Variants in ZNF385D observed in about 807,000 individuals in gnomAD.
ZNF385D encodes zinc finger protein 385D, also known as zinc finger protein 659.
ZNF385D carries 15 observed loss-of-function variants against 35.8 expected under a neutral mutation model. The ratio of observed to expected loss-of-function variants is 0.42; its 90% CI spans 0.28 to 0.64. ZNF385D has a LOEUF of 0.64. Among genes scored for constraint, ZNF385D ranks in the 30% least tolerant of loss-of-function variants. The pLI, the probability that ZNF385D is intolerant of heterozygous loss-of-function variation, is 0.23. For synonymous variants in ZNF385D, 212 were observed against 186.8 expected (o/e 1.13, Z -1.10); for missense variants, 474 against 494.6 (o/e 0.96, Z 0.39).
At chr3:22,339,721 C>G (rs912161388) in intron 2 of ZNF385D, among the ~76,000 whole-genome samples, 1 of 152,186 alleles carries the variant, frequency 6.6e-6, no homozygotes, top group Non-Finnish European at 1.5e-5. Flanking sequence ...GTGCTCACTC[C>G]TTAGAAATCA....
chr3:22,038,262 G>C (rs1199233143), intron 3 of ZNF385D, among the ~76,000 whole-genome samples: 1 of 152,178 alleles, frequency 6.6e-6, no homozygotes, highest in Non-Finnish European at 1.5e-5. Context: ...AAATGTGGTA[G>C]AGATGGGCTC....
At chr3:21,914,853 A>G (rs563922927) in intron 3 of ZNF385D, among the ~76,000 whole-genome samples, 1 of 152,052 alleles carries the variant, frequency 6.6e-6, no homozygotes, top group African/African-American at 2.4e-5. Flanking sequence ...AAATCCAACA[A>G]TGTTGTGGTA....
intron 3 of ZNF385D, among the ~76,000 whole-genome samples, chr3:21,525,074 T>A (rs1708145088): frequency 6.6e-6 from 1 of 152,212 alleles, no homozygotes; most frequent in Non-Finnish European, 1.5e-5. Flanking sequence ...GTCCATTCAG[T>A]AAATCATGTA....
At chr3:21,481,499 C>T (rs1156277682) in intron 4 of ZNF385D, among the ~76,000 whole-genome samples, 1 of 152,144 alleles carries the variant, frequency 6.6e-6, no homozygotes, top group Admixed American at 6.6e-5. Context: ...AATTCATCGC[C>T]TCATGAGATA....
chr3:21,725,744 C>T (rs1399018226), intron 1 of ZNF385D, among the ~76,000 whole-genome samples: 1 of 152,136 alleles, frequency 6.6e-6, no homozygotes, highest in African/African-American at 2.4e-5. Flanking sequence ...CTGAATTCTA[C>T]CAGAGGTACA....
intron 2 of ZNF385D, among the ~76,000 whole-genome samples, chr3:22,249,231 G>A (rs1396330581): frequency 6.6e-6 from 1 of 152,100 alleles, no homozygotes; most frequent in Non-Finnish European, 1.5e-5. Flanking sequence ...ATACCACTAA[G>A]TTTTGGGAAG....
chr3:21,982,860 T>G (rs1054565194), intron 3 of ZNF385D, among the ~76,000 whole-genome samples: 1 of 152,100 alleles, frequency 6.6e-6, no homozygotes, highest in Non-Finnish European at 1.5e-5. Flanking sequence ...GGGTTTTTTT[T>G]GTCTTTAGTT....
chr3:21,879,183 T>G (rs746296782), intron 3 of ZNF385D, among the ~76,000 whole-genome samples: 2 of 152,014 alleles, frequency 1.3e-5, no homozygotes, highest in Non-Finnish European at 2.9e-5. Flanking sequence ...TTAAAAATCA[T>G]GAATGGAAAA....
chr3:22,354,602 A>C (rs1458385288), intron 2 of ZNF385D, among the ~76,000 whole-genome samples: 1 of 152,070 alleles, frequency 6.6e-6, no homozygotes, highest in Non-Finnish European at 1.5e-5. Flanking sequence ...ACCTTAAGGA[A>C]TTATTTAGTT....
intron 3 of ZNF385D, among the ~76,000 whole-genome samples, chr3:22,116,153 T>C (rs1444450990): frequency 6.6e-6 from 1 of 152,076 alleles, no homozygotes; most frequent in Admixed American, 6.6e-5. Flanking sequence ...TGAATTTTTA[T>C]AATAATATGT....
intron 3 of ZNF385D, among the ~76,000 whole-genome samples, chr3:22,018,560 C>T (rs1324519007): frequency 2.0e-5 from 3 of 151,922 alleles, no homozygotes; most frequent in Non-Finnish European, 4.4e-5. Flanking sequence ...TTCATTACAT[C>T]TTCCATTATA....
intron 3 of ZNF385D, among the ~76,000 whole-genome samples, chr3:21,812,302 T>C (rs557839812): frequency 1.3e-5 from 2 of 152,304 alleles, no homozygotes; most frequent in Non-Finnish European, 2.9e-5. Context: ...AGATGGGTGA[T>C]TTCTGAATTT....
chr3:21,499,068 G>A (rs1196312809), intron 4 of ZNF385D, among the ~76,000 whole-genome samples: 1 of 151,900 alleles, frequency 6.6e-6, no homozygotes, highest in Non-Finnish European at 1.5e-5. Flanking sequence ...AAAGCAGTCT[G>A]GTGATTCCTT....
At chr3:22,139,797 A>T (rs371013931) in intron 3 of ZNF385D, among the ~76,000 whole-genome samples, 96 of 152,302 alleles carry the variant, frequency 6.3e-4, no homozygotes, top group African/African-American at 2.2e-3. Context: ...CATTAAGTAG[A>T]GATATAAGTT....
chr3:21,835,169 G>A (rs1695250407), intron 3 of ZNF385D, among the ~76,000 whole-genome samples: 1 of 151,872 alleles, frequency 6.6e-6, no homozygotes, highest in South Asian at 2.1e-4. Context: ...ACTATCATAT[G>A]TGAGAATCAA....
intron 3 of ZNF385D, among the ~76,000 whole-genome samples, chr3:22,164,215 A>ATTTTTTTTTTTTTTT (rs1706157207): frequency 3.3e-5 from 3 of 91,022 alleles, no homozygotes; most frequent in Admixed American, 1.2e-4. Context: ...CAAAAGGAGC[A>ATTTTTTTTTTTTTTT]CTTTTTTTTT....
chr3:21,617,535 G>A (rs7652440), intron 2 of ZNF385D, among the ~76,000 whole-genome samples: 1,763 of 152,174 alleles, frequency 0.012, 41 homozygotes, highest in African/African-American at 0.04. Context: ...CTTCATCCTC[G>A]GAACAACCCC....
At chr3:21,932,098 C>T (rs1457384700) in intron 3 of ZNF385D, among the ~76,000 whole-genome samples, 2 of 131,798 alleles carry the variant, frequency 1.5e-5, no homozygotes, top group Admixed American at 9.2e-5. Flanking sequence ...ATCCTGGAGG[C>T]GGAGCTTGCA....
At chr3:22,335,036 G>A (rs1695102051) in intron 2 of ZNF385D, among the ~76,000 whole-genome samples, 1 of 152,094 alleles carries the variant, frequency 6.6e-6, no homozygotes, top group Non-Finnish European at 1.5e-5. Flanking sequence ...TATAGTGCCA[G>A]GCACTGGAAA....
Sources: gnomAD v4.1 joint callset for allele counts (sites outside exome capture counted in the v4.1 genomes callset) on GRCh38, gnomAD v4.1.1 for gene constraint, MANE v1.5 for transcripts, NCBI Gene and HGNC (gene_info 2026-07-23, HGNC 2026-07-21) for gene names.